LINGO2: variants seen among roughly 807,000 people sequenced by gnomAD.
The protein encoded by LINGO2 is leucine-rich repeat and immunoglobulin-like domain-containing nogo receptor-interacting protein 2.
Under a neutral mutation model 30.6 loss-of-function variants are expected in LINGO2, and 14 were observed. The observed-to-expected ratio is 0.46, with a 90% CI of 0.30 to 0.72. The LOEUF is 0.72. LINGO2 is among the 30% of genes least tolerant of loss of function. The probability of loss-of-function intolerance (pLI) is 0.07; values close to 1 mark genes in which losing one functional copy is unlikely to be tolerated. For synonymous variants in LINGO2, 317 were observed against 288.5 expected (o/e 1.10, Z -1.00); for missense variants, 729 against 751.7 (o/e 0.97, Z 0.35).
chr9:28,689,197 G>A, the LINGO2 span, among the ~76,000 whole-genome samples: 1 of 152,162 alleles, frequency 6.6e-6, no homozygotes, highest in African/African-American at 2.4e-5. Context: ...TTTAGGAAAT[G>A]TGGGCAGCTG....
chr9:29,067,697 G>A, the LINGO2 span, among the ~76,000 whole-genome samples: 8 of 150,122 alleles, frequency 5.3e-5, no homozygotes, highest in Admixed American at 2.0e-4. Flanking sequence ...AAGAGAGGCA[G>A]GAAGTACAAT....
At chr9:28,292,545 C>G (rs557983324) in intron 4 of LINGO2, among the ~76,000 whole-genome samples, 80 of 152,156 alleles carry the variant, frequency 5.3e-4, no homozygotes, top group African/African-American at 1.8e-3. Flanking sequence ...TCACTGCAAC[C>G]TCCACCTCCT....
the LINGO2 span, among the ~76,000 whole-genome samples, chr9:28,831,083 T>C: frequency 2.8e-4 from 42 of 152,332 alleles, no homozygotes; most frequent in East Asian, 7.3e-3. Context: ...TAAGGGATTC[T>C]GCAAGCTACC....
At chr9:28,168,765 A>C (rs1047645066) in intron 4 of LINGO2, among the ~76,000 whole-genome samples, 2 of 152,248 alleles carry the variant, frequency 1.3e-5, no homozygotes, top group Non-Finnish European at 2.9e-5. Context: ...GGGTCCTTGT[A>C]ACACGCATGT....
chr9:28,065,193 A>T, intron 4 of LINGO2, among the ~76,000 whole-genome samples: 1 of 137,268 alleles, frequency 7.3e-6, no homozygotes, highest in East Asian at 2.0e-4. Flanking sequence ...TCTCCAAGTT[A>T]AAAAAAAAAA....
chr9:28,650,894 A>G (rs949334795), intron 1 of LINGO2, among the ~76,000 whole-genome samples: 3 of 152,226 alleles, frequency 2.0e-5, no homozygotes, highest in African/African-American at 7.2e-5. Context: ...AATATGTGAT[A>G]TATTTGAAAA....
chr9:28,671,240 C>G (rs1169841367), upstream of LINGO2, among the ~76,000 whole-genome samples: 10 of 151,818 alleles, frequency 6.6e-5, no homozygotes, highest in Non-Finnish European at 1.3e-4. Flanking sequence ...CATCGCTGAC[C>G]CTTCCTATAA....
At chr9:28,046,015 T>TGATCC (rs1824405980) in intron 4 of LINGO2, among the ~76,000 whole-genome samples, 1 of 152,196 alleles carries the variant, frequency 6.6e-6, no homozygotes. Context: ...ATAATGAGGA[T>TGATCC]GATCCATGCC....
chr9:28,755,704 A>T, the LINGO2 span, among the ~76,000 whole-genome samples: 1 of 152,114 alleles, frequency 6.6e-6, no homozygotes, highest in Non-Finnish European at 1.5e-5. Flanking sequence ...TCAGCTACTT[A>T]GTAGAAGTTT....
At chr9:28,014,549 C>CT (rs372354736) in intron 4 of LINGO2, among the ~76,000 whole-genome samples, 1 of 77,910 alleles carries the variant, frequency 1.3e-5, no homozygotes, top group African/African-American at 6.2e-5. Context: ...ATAAATTTTA[C>CT]TTTTTTATCC....
rs183559949 is a variant in LINGO2 at position 28,567,556 on chromosome 9, A to G, written c.-364-91531T>C. ...GAAATAACTCAGAAACAGGCAATCA[A>G]ATATTACATGCTCTTACTTATAAGT... On this transcript the variant is annotated intron_variant, in intron 1 of 5. Transcript: ENST00000379992. 4.7e-4 allele frequency among the ~76,000 whole-genome samples: 71 copies of G among 152,232 alleles called. 2 individuals are homozygous for G. The East Asian group carries it at 9.5e-3, about 20-fold the overall frequency.
chr9:28,264,274 G>A (rs138452993), intron 4 of LINGO2, among the ~76,000 whole-genome samples: 1 of 151,730 alleles, frequency 6.6e-6, no homozygotes, highest in South Asian at 2.1e-4. Context: ...TGGTTTAAAT[G>A]GTAAAACCAT....
Position 28,147,045 on chromosome 9 carries a change from G to T in LINGO2, c.-86-134640C>A, listed in dbSNP as rs1166389493. Reference sequence around the variant, plus strand: ...TAGAAGAGCAATGTGGGATGGTGCTGTGCTGACAACTGGTAATTCCTGCCC... The same window carrying T: ...TAGAAGAGCAATGTGGGATGGTGCTTTGCTGACAACTGGTAATTCCTGCCC... On this transcript the variant is annotated intron_variant, in intron 4 of 5. Coordinates refer to ENST00000379992, the Ensembl canonical transcript of LINGO2. This position sits in a 1 kb window ranked among gnomAD's most constrained non-coding sequence, Gnocchi z 4.7. Among the ~76,000 whole-genome samples the T allele has an allele frequency of 6.6e-6, 1 of 152,224 alleles. No individual in the cohort carries two copies. Among genetic ancestry groups the T allele is most frequent in the Non-Finnish European group, 1.5e-5 (1 of 68,046 alleles).
chr9:28,818,850 A>G, the LINGO2 span, among the ~76,000 whole-genome samples: 1 of 152,176 alleles, frequency 6.6e-6, no homozygotes, highest in Non-Finnish European at 1.5e-5. Flanking sequence ...GGTGTAAACT[A>G]TTAACAAACT....
chr9:28,332,333 C>A (rs1401892708), intron 3 of LINGO2, among the ~76,000 whole-genome samples: 1 of 152,072 alleles, frequency 6.6e-6, no homozygotes, highest in Non-Finnish European at 1.5e-5. Flanking sequence ...TTGCATCAAC[C>A]TAATAATCCA....
chr9:28,063,649 AT>A (rs1825223614), intron 4 of LINGO2, among the ~76,000 whole-genome samples: 1 of 152,134 alleles, frequency 6.6e-6, no homozygotes, highest in Non-Finnish European at 1.5e-5. Flanking sequence ...AGATCTTTCC[AT>A]TTCGTCGTGT....
At chr9:28,943,418 C>T in the LINGO2 span, among the ~76,000 whole-genome samples, 24,380 of 151,638 alleles carry the variant, frequency 0.16, 1,999 homozygotes, top group South Asian at 0.2. Context: ...GATCAGGTGA[C>T]GGATTGAGTG....
intron 1 of LINGO2, among the ~76,000 whole-genome samples, chr9:28,634,840 T>C (rs990077732): frequency 1.3e-5 from 2 of 152,172 alleles, no homozygotes; most frequent in African/African-American, 4.8e-5. Flanking sequence ...CTCTGACTTC[T>C]GGAACAAACA....
chr9:29,060,154 C>A, the LINGO2 span, among the ~76,000 whole-genome samples: 1 of 152,092 alleles, frequency 6.6e-6, no homozygotes, highest in Non-Finnish European at 1.5e-5. Flanking sequence ...AGGGGCCATT[C>A]ACAGAGCAAA....
Sources: allele counts gnomAD v4.1 joint callset (sites outside exome capture counted in the v4.1 genomes callset), GRCh38; gene constraint gnomAD v4.1.1; non-coding constraint Gnocchi (gnomAD v3.1); transcripts MANE v1.5; gene names NCBI Gene and HGNC (gene_info 2026-07-23, HGNC 2026-07-21).